Variants in ZFHX3 observed in about 807,000 individuals in gnomAD.
The protein encoded by ZFHX3 is zinc finger homeobox protein 3.
A neutral mutation model predicts 279.1 loss-of-function variants in ZFHX3; 42 were observed. The ratio of observed to expected loss-of-function variants is 0.15; its 90% CI spans 0.12 to 0.19. The LOEUF (loss-of-function observed/expected upper bound fraction) is 0.19, where lower values mean the gene tolerates loss of function less well. Among genes scored for constraint, ZFHX3 ranks in the 10% least tolerant of loss-of-function variants. The pLI, the probability that ZFHX3 is intolerant of heterozygous loss-of-function variation, is 1.00. For synonymous variants in ZFHX3, 2,293 were observed against 1,957.8 expected (o/e 1.17, Z -4.52); for missense variants, 4,981 against 4,754.0 (o/e 1.05, Z -1.40).
At chr16:73,150,587 G>C (rs779326811) in intron 5 of ZFHX3, among the ~76,000 whole-genome samples, 3 of 152,122 alleles carry the variant, frequency 2.0e-5, no homozygotes, top group Non-Finnish European at 2.9e-5. Context: ...GAAGATAACA[G>C]GATATAAACA....
chr16:73,560,977 C>A (rs1015851251), intron 2 of ZFHX3, among the ~76,000 whole-genome samples: 1 of 152,086 alleles, frequency 6.6e-6, no homozygotes, highest in Non-Finnish European at 1.5e-5. Context: ...CTAAATTGAT[C>A]CCTAATTAGG....
chr16:73,279,293 G>C (rs564121875), intron 4 of ZFHX3, among the ~76,000 whole-genome samples: 4 of 151,904 alleles, frequency 2.6e-5, no homozygotes, highest in Non-Finnish European at 5.9e-5. Flanking sequence ...CAAAGACTAC[G>C]ATATCTGTCG....
At chr16:73,494,522 T>G (rs1184661763) in intron 2 of ZFHX3, among the ~76,000 whole-genome samples, 1 of 152,098 alleles carries the variant, frequency 6.6e-6, no homozygotes, top group African/African-American at 2.4e-5. Flanking sequence ...TCTTGTTCTG[T>G]GTATATTAAA....
rs142856551 is a variant in ZFHX3 at position 72,886,645 on chromosome 16, T to C, written c.3448+3086A>G. Among the ~76,000 whole-genome samples, 444 of 152,288 alleles carry C rather than the reference T, an allele frequency of 2.9e-3. 2 individuals are homozygous for C. The highest frequency in any genetic ancestry group is 6.8e-3 in the Middle Eastern group (2 of 294). ...AACAGATGATTAAAACAATGATGTA[T>C]GCAGAGCTGGCCAAAAAAACACCCC... On this transcript the variant is annotated intron_variant, in intron 4 of 9. Transcript: ENST00000268489.
rs144113854 is a variant in ZFHX3, at chr16:73,319,561, G to A, written c.-1290-1225C>T. 3.1e-3 allele frequency among the ~76,000 whole-genome samples: 475 copies of A among 152,052 alleles called. 5 individuals carry two copies. The highest frequency in any genetic ancestry group is 0.027 in the Admixed American group (412 of 15,266). ...GGAAGCTAAGAAGAAACTCAGGGGC[G>A]GGGGGTTGGTTAAGTCCAAATGCCA... On this transcript the variant is annotated intron_variant, in intron 3 of 17. Transcript: ENST00000641206.
chr16:73,746,327 AG>A (rs2053703170), intron 1 of ZFHX3, among the ~76,000 whole-genome samples: 1 of 152,154 alleles, frequency 6.6e-6, no homozygotes, highest in Non-Finnish European at 1.5e-5. Context: ...AGAAGGAAAA[AG>A]AAACTTCAGG....
chr16:73,453,481 C>A (rs1279715535), intron 3 of ZFHX3, among the ~76,000 whole-genome samples: 8 of 152,166 alleles, frequency 5.3e-5, no homozygotes, highest in Non-Finnish European at 1.0e-4. Flanking sequence ...GCCGGAAGGA[C>A]ACTCAAGCTG....
intron 1 of ZFHX3, among the ~76,000 whole-genome samples, chr16:73,838,303 T>C (rs1961199733): frequency 6.6e-6 from 1 of 152,216 alleles, no homozygotes; most frequent in Non-Finnish European, 1.5e-5. Context: ...GTGCATTCTA[T>C]TGAAACAAAA....
At chr16:73,811,573 T>G (rs1001035223) in intron 1 of ZFHX3, among the ~76,000 whole-genome samples, 4 of 150,800 alleles carry the variant, frequency 2.7e-5, no homozygotes, top group Non-Finnish European at 5.9e-5. Context: ...GCCTCTGGAG[T>G]AGCTGGGACT....
rs1965586094 is a variant in ZFHX3 at position 73,057,604 on chromosome 16, G to C, written c.-24+926C>G. ...AAAAAAGGCATCCTCGGATGTCTCT[G>C]AGCTCAGCTGGCGGAAGAAGGCCGG... On this transcript the variant is annotated intron_variant, in intron 1 of 8. Transcript: ENST00000397992. Among the ~76,000 whole-genome samples, 3 of 151,740 alleles carry C rather than the reference G, an allele frequency of 2.0e-5. No individual in the cohort carries two copies. In the South Asian group the frequency reaches 6.2e-4, roughly 32 times the overall value.
rs761415382 is a variant in ZFHX3, at chr16:72,796,852, C to A, written c.5830G>T (p.Ala1944Ser). The A allele has an allele frequency of 6.2e-7, 1 of 1,613,466 alleles. No homozygotes were observed. Among genetic ancestry groups the A allele is most frequent in the South Asian group, 1.1e-5 (1 of 91,026 alleles). Residue 1944 changes from alanine (A) to serine (S), a missense_variant, in exon 9 of 10, where the codon GCC becomes TCC. Coordinates refer to ENST00000268489, the MANE Select transcript of ZFHX3 (RefSeq NM_006885.4). ...PRIASDARGN[A>S]TKALLENFGF... ...AAGTTCTCCAGCAGGGCCTTGGTGG[C>A]GTTCCCTCTGGCATCTGAAGCAATG...
At chr16:73,675,095 A>G (rs1020073361) in intron 2 of ZFHX3, among the ~76,000 whole-genome samples, 3 of 152,030 alleles carry the variant, frequency 2.0e-5, no homozygotes, top group Non-Finnish European at 4.4e-5. Flanking sequence ...CAGCCCCAAC[A>G]CCTCCTCCTT....
intron 5 of ZFHX3, among the ~76,000 whole-genome samples, chr16:73,175,326 G>C (rs1967637501): frequency 1.3e-5 from 2 of 152,138 alleles, no homozygotes; most frequent in Admixed American, 6.5e-5. Flanking sequence ...GCTGCAGTGA[G>C]CTGAGATTGC....
At chr16:73,484,185 C>G (rs1696356205) in intron 2 of ZFHX3, among the ~76,000 whole-genome samples, 1 of 152,104 alleles carries the variant, frequency 6.6e-6, no homozygotes, top group African/African-American at 2.4e-5. Flanking sequence ...AGCCTAAAAA[C>G]TGACGTCTCA....
At chr16:73,111,629 G>C (rs1012619124) in intron 7 of ZFHX3, among the ~76,000 whole-genome samples, 1 of 132,688 alleles carries the variant, frequency 7.5e-6, no homozygotes, top group East Asian at 2.4e-4. Context: ...AAGAGAGAGA[G>C]AAAGAAGAGA....
intron 1 of ZFHX3, among the ~76,000 whole-genome samples, chr16:73,832,656 TC>T (rs1036380862): frequency 6.6e-6 from 1 of 151,136 alleles, no homozygotes; most frequent in African/African-American, 2.4e-5. Context: ...CAAGCAATCC[TC>T]CCCCCTCAGC....
At chr16:73,078,630 C>T (rs1178928839) in intron 8 of ZFHX3, among the ~76,000 whole-genome samples, 2 of 151,906 alleles carry the variant, frequency 1.3e-5, no homozygotes, top group Non-Finnish European at 2.9e-5. Flanking sequence ...GATTATAAAC[C>T]GCGCCTGGCC....
intron 1 of ZFHX3, among the ~76,000 whole-genome samples, chr16:73,790,129 G>A (rs1206913569): frequency 6.6e-6 from 1 of 152,138 alleles, no homozygotes; most frequent in Non-Finnish European, 1.5e-5. Context: ...AGAGGAGGGA[G>A]AATTGGGTTG....
Position 72,787,124 on chromosome 16 carries a change from G to C in ZFHX3, c.*40C>G. On this transcript the variant is annotated 3_prime_UTR_variant, in exon 10 of 10. Coordinates refer to ENST00000268489, the MANE Select transcript of ZFHX3 (RefSeq NM_006885.4). ...TGAAATTGGTTTGTTATTAATTTTT[G>C]TATTTAAATTCATTTGTTTGTATTG... The C allele has an allele frequency of 8.2e-7, 1 of 1,215,404 alleles. No individual in the cohort carries two copies. Among genetic ancestry groups the C allele is most frequent in the East Asian group, 3.8e-5 (1 of 26,490 alleles). 75.3% of individuals were successfully genotyped at this position (1,215,404 alleles called of 1,614,324 possible). A position where few individuals can be genotyped will look rare whatever the true frequency, so the allele number is the denominator to read the frequency against.
Sources: gnomAD v4.1 joint callset for allele counts (sites outside exome capture counted in the v4.1 genomes callset) on GRCh38, gnomAD v4.1.1 for gene constraint, MANE v1.5 for transcripts, NCBI Gene and HGNC (gene_info 2026-07-23, HGNC 2026-07-21) for gene names.